ESR1: variants seen among roughly 807,000 people sequenced by gnomAD.
The protein encoded by ESR1 is estrogen receptor 1.
Under a neutral mutation model 52.7 loss-of-function variants are expected in ESR1, and 12 were observed. That is an observed-to-expected ratio of 0.23 (90% CI 0.15 to 0.37). The LOEUF is 0.37. Among genes scored for constraint, ESR1 ranks in the 10% least tolerant of loss-of-function variants. ESR1 has a pLI of 1.00. For missense variants in ESR1, 584 were observed against 779.7 expected (o/e 0.75, Z 2.99); for synonymous variants, 305 against 316.8 (o/e 0.96, Z 0.39).
chr6:152,117,196 G>A (rs1188509473), intron 6 of ESR1, among the ~76,000 whole-genome samples: 1 of 152,226 alleles, frequency 6.6e-6, no homozygotes, highest in East Asian at 1.9e-4. Flanking sequence ...GGGGCAAGGG[G>A]TGGACATGGC....
At chr6:151,659,647 T>A (rs891591754) in intron 1 of ESR1, among the ~76,000 whole-genome samples, 24 of 152,172 alleles carry the variant, frequency 1.6e-4, no homozygotes, top group Admixed American at 1.4e-3. Context: ...ATTAGACCCT[T>A]AATAGGAGTA....
At chr6:152,086,780 A>G (rs1367595823) in intron 6 of ESR1, among the ~76,000 whole-genome samples, 1 of 151,896 alleles carries the variant, frequency 6.6e-6, no homozygotes, top group African/African-American at 2.4e-5. Flanking sequence ...ACTCATCTTC[A>G]CTGTCGTCTC....
chr6:151,929,654 A>T (rs2033289791), intron 3 of ESR1, among the ~76,000 whole-genome samples: 1 of 151,948 alleles, frequency 6.6e-6, no homozygotes, highest in Admixed American at 6.6e-5. Context: ...ATTAAAAAGT[A>T]AAAATAAATT....
downstream of ESR1, among the ~76,000 whole-genome samples, chr6:152,105,282 G>A (rs1206591609): frequency 6.6e-6 from 1 of 152,216 alleles, no homozygotes; most frequent in Non-Finnish European, 1.5e-5. Context: ...TGACAACTTA[G>A]TACTTTGCAA....
At chr6:151,958,161 A>G (rs1438357815) in intron 4 of ESR1, among the ~76,000 whole-genome samples, 1 of 152,276 alleles carries the variant, frequency 6.6e-6, no homozygotes, top group Non-Finnish European at 1.5e-5. Flanking sequence ...GGCAAATAGC[A>G]GTCCATGCTA....
At chr6:151,726,842 A>G (rs1051883867) in intron 2 of ESR1, among the ~76,000 whole-genome samples, 2 of 152,112 alleles carry the variant, frequency 1.3e-5, no homozygotes, top group Non-Finnish European at 2.9e-5. Context: ...CTAGCTCCGT[A>G]ACTTTATTCT....
At chr6:152,009,244 A>G (rs2042577735) in intron 4 of ESR1, among the ~76,000 whole-genome samples, 2 of 152,178 alleles carry the variant, frequency 1.3e-5, no homozygotes, top group South Asian at 4.2e-4. Context: ...CACTCTTTTC[A>G]ATGGAAAGAC....
intron 5 of ESR1, among the ~76,000 whole-genome samples, chr6:152,037,137 C>T (rs1275338343): frequency 1.3e-5 from 2 of 152,110 alleles, no homozygotes; most frequent in South Asian, 2.1e-4. Context: ...GCAATAGCAT[C>T]GGCTTAGTTT....
intron 3 of ESR1, among the ~76,000 whole-genome samples, chr6:151,890,589 T>C (rs1794570049): frequency 6.6e-6 from 1 of 152,190 alleles, no homozygotes; most frequent in Non-Finnish European, 1.5e-5. Flanking sequence ...GGGTACTGAG[T>C]TCCCCAATAT....
chr6:151,845,609 T>A (rs1255670033), intron 2 of ESR1, among the ~76,000 whole-genome samples: 1 of 151,998 alleles, frequency 6.6e-6, no homozygotes, highest in Non-Finnish European at 1.5e-5. Flanking sequence ...AACAAAAACC[T>A]CTTATCGCCG....
intron 5 of ESR1, among the ~76,000 whole-genome samples, chr6:152,024,664 T>A (rs1232911053): frequency 8.8e-5 from 13 of 147,810 alleles, no homozygotes; most frequent in Non-Finnish European, 4.5e-5. Flanking sequence ...TAGATATATA[T>A]GTATATAAAA....
At chr6:151,951,487 A>T (rs1315068340) in intron 4 of ESR1, among the ~76,000 whole-genome samples, 1 of 152,208 alleles carries the variant, frequency 6.6e-6, no homozygotes, top group East Asian at 1.9e-4. Flanking sequence ...TTAACTGCAT[A>T]GATAGTGTGA....
chr6:151,815,862 G>A (rs1483979181), intron 1 of ESR1, among the ~76,000 whole-genome samples: 5 of 152,174 alleles, frequency 3.3e-5, no homozygotes. Context: ...ATAAACAAGT[G>A]TCCCTCTTGC....
chr6:151,658,814 A>T (rs1462085516), intron 1 of ESR1, among the ~76,000 whole-genome samples: 1 of 152,166 alleles, frequency 6.6e-6, no homozygotes, highest in Non-Finnish European at 1.5e-5. Flanking sequence ...CAGATAAGGA[A>T]GCTGAGGCTT....
chr6:152,042,647 T>G (rs2045905218), intron 5 of ESR1, among the ~76,000 whole-genome samples: 1 of 152,138 alleles, frequency 6.6e-6, no homozygotes, highest in African/African-American at 2.4e-5. Context: ...GCAAATTGAT[T>G]GAGGGGCCGT....
chr6:151,792,412 C>T (rs1776253383), intron 2 of ESR1, among the ~76,000 whole-genome samples: 1 of 151,846 alleles, frequency 6.6e-6, no homozygotes, highest in African/African-American at 2.4e-5. Flanking sequence ...TGAACATTAG[C>T]TTACTGTATT....
At chr6:152,095,758 A>C (rs1562782334) in intron 7 of ESR1, among the ~76,000 whole-genome samples, 1 of 151,836 alleles carries the variant, frequency 6.6e-6, no homozygotes. Context: ...TGGAACTTAC[A>C]CTCTGTTCTT....
intron 5 of ESR1, among the ~76,000 whole-genome samples, chr6:152,021,652 G>A (rs925801494): frequency 1.3e-5 from 2 of 152,046 alleles, no homozygotes; most frequent in Admixed American, 6.6e-5. Context: ...GAGATGTTAC[G>A]GGAATACTGC....
chr6:151,772,025 C>T (rs1353453883), intron 2 of ESR1, among the ~76,000 whole-genome samples: 1 of 152,192 alleles, frequency 6.6e-6, no homozygotes, highest in East Asian at 1.9e-4. Flanking sequence ...AAATGAACAG[C>T]TCAACCTTCC....
Sources: gnomAD v4.1 joint callset for allele counts (sites outside exome capture counted in the v4.1 genomes callset) on GRCh38, gnomAD v4.1.1 for gene constraint, MANE v1.5 for transcripts, NCBI Gene and HGNC (gene_info 2026-07-23, HGNC 2026-07-21) for gene names.